NCOA1: variants seen among roughly 807,000 people sequenced by gnomAD.
NCOA1 encodes the protein Hin-2 protein.
Under a neutral mutation model 150.9 loss-of-function variants are expected in NCOA1, and 35 were observed. The observed-to-expected ratio is 0.23, with a 90% CI of 0.18 to 0.31. NCOA1 has a LOEUF of 0.31. Among genes scored for constraint, NCOA1 ranks in the 10% least tolerant of loss-of-function variants. The pLI, the probability that NCOA1 is intolerant of heterozygous loss-of-function variation, is 1.00. For missense variants in NCOA1, 1,491 were observed against 1,749.3 expected (o/e 0.85, Z 2.63); for synonymous variants, 590 against 630.0 (o/e 0.94, Z 0.95).
At chr2:24,698,966 T>C (rs1673029733) in intron 11 of NCOA1, among the ~76,000 whole-genome samples, 1 of 152,174 alleles carries the variant, frequency 6.6e-6, no homozygotes, top group Non-Finnish European at 1.5e-5. Flanking sequence ...TCTAATGGGC[T>C]CCTTACTAGA....
intron 20 of NCOA1, 125 bp downstream of exon 20, chr2:24,752,281 G>GCC: frequency 9.5e-7 from 1 of 1,057,720 alleles, no homozygotes. Flanking sequence ...GACACAAAAG[G>GCC]CCACATATGG....
At chr2:24,624,496 T>C (rs1013337648) in intron 3 of NCOA1, among the ~76,000 whole-genome samples, 2 of 152,214 alleles carry the variant, frequency 1.3e-5, no homozygotes, top group African/African-American at 2.4e-5. Flanking sequence ...TGTATGCATA[T>C]TCAATTTTCA....
At chr2:24,613,837 G>T (rs1668746924) in intron 3 of NCOA1, among the ~76,000 whole-genome samples, 1 of 152,234 alleles carries the variant, frequency 6.6e-6, no homozygotes, top group African/African-American at 2.4e-5. Flanking sequence ...GTTACCTGGA[G>T]ATCTGCCTGG....
rs898949971 is a variant in NCOA1 at position 24,547,333 on chromosome 2, A to G, written c.-395-16962A>G. On this transcript the variant is annotated intron_variant, in intron 1 of 22. Coordinates refer to ENST00000348332, the MANE Select transcript of NCOA1 (RefSeq NM_003743.5). The stretch of plus-strand genomic sequence containing the variant: ...AAACCTCTTTTTTGTGTCATTCACT[A>G]TATATTCGTCTTGTCATTCACTATA... 1.1e-4 allele frequency among the ~76,000 whole-genome samples: 16 copies of G among 152,320 alleles called. No individual in the cohort carries two copies. In the South Asian group the frequency reaches 2.3e-3, roughly 22 times the overall value.
chr2:24,699,094 C>G (rs920198997), intron 11 of NCOA1, among the ~76,000 whole-genome samples: 1 of 152,166 alleles, frequency 6.6e-6, no homozygotes, highest in Non-Finnish European at 1.5e-5. Flanking sequence ...CAATAAGTAA[C>G]TAATGCCGTC....
chr2:24,610,614 A>G (rs1305765432), intron 3 of NCOA1, among the ~76,000 whole-genome samples: 1 of 151,738 alleles, frequency 6.6e-6, no homozygotes, highest in Non-Finnish European at 1.5e-5. Context: ...CTTTACTAGT[A>G]TTTTTATTTG....
intron 1 of NCOA1, among the ~76,000 whole-genome samples, chr2:24,511,051 C>T (rs1663916443): frequency 6.6e-6 from 1 of 152,206 alleles, no homozygotes; most frequent in African/African-American, 2.4e-5. Flanking sequence ...TTTGCTGTCT[C>T]TATGGATTTG....
chr2:24,725,024 T>C (rs571425653), intron 14 of NCOA1, among the ~76,000 whole-genome samples: 131 of 152,300 alleles, frequency 8.6e-4, no homozygotes, highest in African/African-American at 3.0e-3. Flanking sequence ...CATTTAAAAG[T>C]AAATGTGTTT....
At chr2:24,668,290 G>T (rs1671522657) in intron 6 of NCOA1, among the ~76,000 whole-genome samples, 1 of 152,130 alleles carries the variant, frequency 6.6e-6, no homozygotes, top group African/African-American at 2.4e-5. Context: ...CTCAGAACTA[G>T]AAGTATATTA....
In NCOA1 at chr2:24,769,245, A is replaced by G. The variant is rs189051519; in HGVS notation, c.*854A>G. ...AAAATAAAATTAAATTTATGATCCA[A>G]GTAGCTTATTTTTCCCTTTAAATCT... On this transcript the variant is annotated 3_prime_UTR_variant, in exon 23 of 23. Transcript: ENST00000348332. 1 of 189,586 alleles carries G rather than the reference A, an allele frequency of 5.3e-6. No individual in the cohort carries two copies. The highest frequency in any genetic ancestry group is 2.3e-5 in the African/African-American group (1 of 43,038). 11.7% of individuals were successfully genotyped at this position (189,586 alleles called of 1,614,324 possible).
At chr2:24,571,232 G>A (rs1666734014) in intron 2 of NCOA1, among the ~76,000 whole-genome samples, 1 of 151,928 alleles carries the variant, frequency 6.6e-6, no homozygotes, top group Admixed American at 6.6e-5. Flanking sequence ...GAGGGGGTGG[G>A]AGTAATTCTT....
chr2:24,694,401 T>C, intron 10 of NCOA1, among the ~76,000 whole-genome samples: 1 of 152,338 alleles, frequency 6.6e-6, no homozygotes, highest in African/African-American at 2.4e-5. Flanking sequence ...AAAAATAATT[T>C]CTTCTGAATT....
intron 3 of NCOA1, among the ~76,000 whole-genome samples, chr2:24,626,989 A>G (rs1252377749): frequency 6.6e-6 from 1 of 152,174 alleles, no homozygotes; most frequent in Non-Finnish European, 1.5e-5. Context: ...TGAGAATTGA[A>G]TGACTGCCTG....
chr2:24,535,837 T>C (rs1665110808), intron 1 of NCOA1, among the ~76,000 whole-genome samples: 1 of 152,242 alleles, frequency 6.6e-6, no homozygotes, highest in Admixed American at 6.5e-5. Context: ...TCTGATGGGC[T>C]TCCCTTTGTG....
At chr2:24,761,837 C>T (rs1013914069) in intron 21 of NCOA1, among the ~76,000 whole-genome samples, 4 of 152,202 alleles carry the variant, frequency 2.6e-5, no homozygotes, top group Non-Finnish European at 5.9e-5. Context: ...AAGGTAAAAC[C>T]TTTAATATGC....
intron 13 of NCOA1, among the ~76,000 whole-genome samples, chr2:24,709,016 TATC>T (rs1673601112): frequency 6.6e-6 from 1 of 152,222 alleles, no homozygotes. Flanking sequence ...TGGTGCTTCA[TATC>T]ATCTCTGTTT....
At chr2:24,586,345 G>T (rs549787121) in intron 3 of NCOA1, among the ~76,000 whole-genome samples, 9 of 151,338 alleles carry the variant, frequency 5.9e-5, no homozygotes, top group Admixed American at 5.9e-4. Flanking sequence ...CAGCTACTTG[G>T]GTGGCTGAGG....
At chr2:24,645,531 A>AT (rs1670431406) in intron 4 of NCOA1, among the ~76,000 whole-genome samples, 1 of 150,268 alleles carries the variant, frequency 6.7e-6, no homozygotes, top group Non-Finnish European at 1.5e-5. Flanking sequence ...AAAAAAAAAA[A>AT]TTTCATCAGT....
At chr2:24,542,487 A>T (rs753525654) in intron 1 of NCOA1, among the ~76,000 whole-genome samples, 1 of 152,240 alleles carries the variant, frequency 6.6e-6, no homozygotes, top group Non-Finnish European at 1.5e-5. Flanking sequence ...GGCATAAATT[A>T]TACACTTTTT....
Sources: gnomAD v4.1 joint callset for allele counts (sites outside exome capture counted in the v4.1 genomes callset) on GRCh38, gnomAD v4.1.1 for gene constraint, MANE v1.5 for transcripts, NCBI Gene and HGNC (gene_info 2026-07-23, HGNC 2026-07-21) for gene names.